The following SMG1 variants were observed in gnomAD, a reference collection of about 807,000 sequenced individuals.
The protein encoded by SMG1 is serine/threonine-protein kinase SMG1.
Under a neutral mutation model 419.9 loss-of-function variants are expected in SMG1, and 22 were observed. The observed-to-expected ratio is 0.05, with a 90% CI of 0.04 to 0.07. The LOEUF (loss-of-function observed/expected upper bound fraction) is 0.07, where lower values mean the gene tolerates loss of function less well. SMG1 is among the 10% of genes least tolerant of loss of function. The pLI is 1.00. For synonymous variants in SMG1, 1,538 were observed against 1,553.5 expected, an observed-to-expected ratio of 0.99 and a Z score of 0.23; for missense variants, 3,185 against 4,342.0, an observed-to-expected ratio of 0.73 and a Z score of 7.49.
At chr16:18,906,770 C>G (rs1459620026) in intron 1 of SMG1, among the ~76,000 whole-genome samples, 1 of 152,238 alleles carries the variant, frequency 6.6e-6, no homozygotes, top group Admixed American at 6.5e-5. Context: ...CATTTCTTCA[C>G]TTCTTCTAGC....
intron 19 of SMG1, 23 bp downstream of exon 19, chr16:18,869,822 TCCCAGATAA>T (rs1567399130): frequency 6.4e-7 from 1 of 1,567,908 alleles, no homozygotes; most frequent in Non-Finnish European, 8.7e-7. Flanking sequence ...AAATTATGTT[TCCCAGATAA>T]AAGAGTCAAA....
intron 53 of SMG1, 75 bp downstream of exon 53, chr16:18,829,851 T>A: frequency 2.8e-6 from 4 of 1,430,564 alleles, no homozygotes; most frequent in Non-Finnish European, 3.7e-6. Context: ...TATAATTAAA[T>A]TAAGCCTACT....
At chr16:18,818,693 G>A (rs1443695115) in intron 56 of SMG1, among the ~76,000 whole-genome samples, 5 of 152,130 alleles carry the variant, frequency 3.3e-5, no homozygotes, top group African/African-American at 9.7e-5. Context: ...AAGCACTGGC[G>A]ACAGGTATGA....
At position 18,841,753 on chromosome 16, in the gene SMG1, G is replaced by C; in HGVS notation, c.6508C>G (p.Leu2170Val). 6.2e-7 allele frequency: 1 copy of C among 1,613,938 alleles called. No homozygotes were observed. Among genetic ancestry groups the C allele is most frequent in the Non-Finnish European group, 8.5e-7 (1 of 1,179,888 alleles). The change falls in exon 41 of 63, where the codon CTA becomes GTA. Residue 2170 changes from leucine to valine, a missense_variant. Leu to Val is a conservative substitution (Grantham distance 32). Around this residue, in one of 27 missense-constraint regions of SMG1, gnomAD observed 35 missense variants for 33.8 expected, o/e 1.04. Transcript: ENST00000446231. ...LHLDERIMQF[L>V]SIVNTMFATI... ...GCAAACATGGTATTCACAATAGATA[G>C]GAACTGCATTATTCTCTCATCCAGA...
At chr16:18,883,066 T>G (rs1393411241) in intron 9 of SMG1, among the ~76,000 whole-genome samples, 1 of 152,188 alleles carries the variant, frequency 6.6e-6, no homozygotes, top group East Asian at 1.9e-4. Flanking sequence ...CTTGCTTTTC[T>G]AGGAAAGAGT....
chr16:18,892,174 T>C (rs1362669557), intron 4 of SMG1, 44 bp downstream of exon 4: 6 of 1,327,340 alleles, frequency 4.5e-6, no homozygotes, highest in South Asian at 2.5e-5. Flanking sequence ...TAGTTTATTA[T>C]GGAAACACAA....
intron 55 of SMG1, among the ~76,000 whole-genome samples, chr16:18,827,469 T>TATA (rs71141071): frequency 2.8e-5 from 4 of 144,906 alleles, no homozygotes; most frequent in African/African-American, 1.0e-4. Flanking sequence ...TATATATATA[T>TATA]TTTTATATAT....
At chr16:18,914,281 CATA>C (rs1266243981) in intron 1 of SMG1, among the ~76,000 whole-genome samples, 22 of 151,950 alleles carry the variant, frequency 1.4e-4, no homozygotes, top group Non-Finnish European at 1.5e-5. Flanking sequence ...TGAAAACCAA[CATA>C]ATAATAACAT....
Position 18,814,103 on chromosome 16 carries a change from TAAA to T in SMG1, c.10621+1069_10621+1071del, listed in dbSNP as rs1287364529. On this transcript the variant is annotated intron_variant, in intron 60 of 62. Transcript: ENST00000446231. ...TAAAAATAAATAAGAAAATAAAAAA[TAAA>T]AATAAATTGGCCATTAAGTCATTTT... 4.5e-4 allele frequency among the ~76,000 whole-genome samples: 60 copies of T among 132,768 alleles called. No individual in the cohort carries two copies. The East Asian group carries it at 0.012, about 27-fold the overall frequency. The allele number at this position is 132,768 out of a possible 152,430, so 87.1% of individuals were successfully genotyped here.
chr16:18,871,513 A>G (rs1367329785), intron 15 of SMG1, 31 bp from the exon 16 acceptor site: 2 of 1,282,946 alleles, frequency 1.6e-6, no homozygotes, highest in Non-Finnish European at 1.1e-6. Flanking sequence ...TTGACTGTAC[A>G]TTAAAAAAAA....
At position 18,815,588 on chromosome 16, in the gene SMG1, A is replaced by C; in HGVS notation, c.10366T>G (p.Leu3456Val). The C allele has an allele frequency of 6.2e-7, 1 of 1,613,996 alleles. No homozygotes were observed. The highest frequency in any genetic ancestry group is 1.1e-5 in the South Asian group (1 of 91,084). ...VPYENSVRQF[L>V]GEYKSWQDNI... ...TCTTGCCATGATTTATATTCACCCA[A>C]AAACTGCCTAACACTGTTCTCATAG... The change falls in exon 59 of 63, where the codon TTG (leucine) becomes GTG (valine). Residue 3456 changes from leucine (L) to valine (V), a missense_variant. By Grantham distance (32) the Leu-to-Val change is conservative. This residue lies in a region of SMG1 where 737 missense variants were observed against 846.6 expected (regional missense o/e 0.87). Coordinates refer to ENST00000446231, the MANE Select transcript of SMG1 (RefSeq NM_015092.5).
At chr16:18,886,029 T>A (rs2036598034) in intron 6 of SMG1, among the ~76,000 whole-genome samples, 1 of 152,136 alleles carries the variant, frequency 6.6e-6, no homozygotes, top group Non-Finnish European at 1.5e-5. Flanking sequence ...ACAAATACTG[T>A]TTTCTCTTCT....
intron 51 of SMG1, among the ~76,000 whole-genome samples, chr16:18,831,700 G>A (rs1033028781): frequency 5.6e-5 from 8 of 143,982 alleles, no homozygotes; most frequent in Middle Eastern, 3.8e-3. Flanking sequence ...AGGCTGCAGC[G>A]AGCCGAGATC....
intron 5 of SMG1, among the ~76,000 whole-genome samples, chr16:18,890,409 G>C (rs1001303888): frequency 2.7e-4 from 41 of 152,188 alleles, no homozygotes; most frequent in African/African-American, 9.6e-4. Context: ...AGGCTAAGGT[G>C]GGTGGATTAC....
Position 18,815,424 on chromosome 16 carries a change from C to T in SMG1, c.10514+16G>A. ...GTACTTATGTTTTATAAATTCTGACCAGAAGGCATTCTTACCTCTGACTTT... is the reference window on the plus strand; with the variant it reads ...GTACTTATGTTTTATAAATTCTGACTAGAAGGCATTCTTACCTCTGACTTT... On this transcript the variant is annotated intron_variant, in intron 59 of 62. Coordinates refer to ENST00000446231, the MANE Select transcript of SMG1 (RefSeq NM_015092.5). 1 of 1,612,442 alleles carries T rather than the reference C, an allele frequency of 6.2e-7. No homozygotes were observed. Among genetic ancestry groups the T allele is most frequent in the Non-Finnish European group, 8.5e-7 (1 of 1,178,566 alleles).
chr16:18,907,750 G>A (rs565160214), intron 1 of SMG1, among the ~76,000 whole-genome samples: 1 of 150,610 alleles, frequency 6.6e-6, no homozygotes, highest in South Asian at 2.1e-4. Context: ...TACTCAGGGG[G>A]CTGAGGCAGG....
chr16:18,884,878 G>C (rs1024041879), intron 8 of SMG1: 1 of 544,506 alleles, frequency 1.8e-6, no homozygotes, highest in African/African-American at 2.0e-5. Flanking sequence ...AATAACTTGG[G>C]TAAGTCCTGT....
intron 1 of SMG1, among the ~76,000 whole-genome samples, chr16:18,909,460 C>T (rs973575338): frequency 6.6e-6 from 1 of 152,202 alleles, no homozygotes; most frequent in Non-Finnish European, 1.5e-5. Flanking sequence ...AGGAGGATCA[C>T]TCGAGCCCAG....
At chr16:18,832,331 C>T (rs966850458) in intron 51 of SMG1, among the ~76,000 whole-genome samples, 1 of 152,186 alleles carries the variant, frequency 6.6e-6, no homozygotes, top group African/African-American at 2.4e-5. Flanking sequence ...AGTCAGATTG[C>T]TTTTCTGGAC....
Sources: allele counts gnomAD v4.1 joint callset (sites outside exome capture counted in the v4.1 genomes callset), GRCh38; gene constraint gnomAD v4.1.1; regional missense constraint gnomAD v4.1.1; transcripts MANE v1.5; gene names NCBI Gene and HGNC (gene_info 2026-07-23, HGNC 2026-07-21).